The following LRRC4C variants were observed in gnomAD, a reference collection of about 807,000 sequenced individuals.
LRRC4C encodes the protein leucine rich repeat containing 4C, also known as leucine-rich repeat-containing protein 4C.
A neutral mutation model predicts 33.6 loss-of-function variants in LRRC4C; 5 were observed. The ratio of observed to expected loss-of-function variants is 0.15; its 90% CI spans 0.08 to 0.31. LRRC4C has a LOEUF of 0.31. LRRC4C is among the 10% of genes least tolerant of loss of function. LRRC4C has a pLI of 1.00. For missense variants in LRRC4C, 560 were observed against 796.7 expected (o/e 0.70, Z 3.58); for synonymous variants, 329 against 302.0 (o/e 1.09, Z -0.93).
At chr11:40,633,325 TTTTCTTTCTTTC>T (rs1555125485) in intron 3 of LRRC4C, among the ~76,000 whole-genome samples, 1 of 112,246 alleles carries the variant, frequency 8.9e-6, no homozygotes, top group African/African-American at 3.0e-5. Flanking sequence ...CAAGTTTTCT[TTTTCTTTCTTTC>T]TTTCTTTCTT....
chr11:41,006,404 C>T (rs1854756994), intron 1 of LRRC4C, among the ~76,000 whole-genome samples: 1 of 152,124 alleles, frequency 6.6e-6, no homozygotes, highest in South Asian at 2.1e-4. Flanking sequence ...CATAATTTGG[C>T]CATTTCACAA....
At chr11:40,636,101 C>G (rs1963938970) in intron 3 of LRRC4C, among the ~76,000 whole-genome samples, 1 of 152,160 alleles carries the variant, frequency 6.6e-6, no homozygotes, top group African/African-American at 2.4e-5. Context: ...GACATTGGGA[C>G]AACTAAGGTC....
At chr11:40,177,199 C>G (rs141078389) in intron 5 of LRRC4C, among the ~76,000 whole-genome samples, 1 of 151,828 alleles carries the variant, frequency 6.6e-6, no homozygotes, top group African/African-American at 2.4e-5. Context: ...GTAATCTGCC[C>G]ACCTCGGCCT....
At chr11:40,333,186 A>G (rs1236728550) in intron 3 of LRRC4C, among the ~76,000 whole-genome samples, 1 of 152,156 alleles carries the variant, frequency 6.6e-6, no homozygotes, top group Non-Finnish European at 1.5e-5. Flanking sequence ...ATCAAACAAT[A>G]TGTAAGGGAA....
chr11:40,223,491 A>G (rs1373255147), intron 5 of LRRC4C, among the ~76,000 whole-genome samples: 1 of 152,178 alleles, frequency 6.6e-6, no homozygotes, highest in Non-Finnish European at 1.5e-5. Context: ...GGACAGGATA[A>G]AAAGACACTG....
intron 3 of LRRC4C, among the ~76,000 whole-genome samples, chr11:40,512,525 T>C (rs1359509839): frequency 6.6e-6 from 1 of 152,170 alleles, no homozygotes; most frequent in Non-Finnish European, 1.5e-5. Context: ...ACATCTTATG[T>C]AGATATCATC....
chr11:40,929,231 A>G (rs542985749), intron 2 of LRRC4C, among the ~76,000 whole-genome samples: 1 of 152,268 alleles, frequency 6.6e-6, no homozygotes, highest in South Asian at 2.1e-4. Context: ...TTTTTGGCAA[A>G]TATGGCCATC....
chr11:40,997,729 T>C (rs1264063700), intron 1 of LRRC4C, among the ~76,000 whole-genome samples: 3 of 151,938 alleles, frequency 2.0e-5, no homozygotes, highest in African/African-American at 7.2e-5. Context: ...GTCTGTAGCA[T>C]GTAGGATGAG....
intron 2 of LRRC4C, among the ~76,000 whole-genome samples, chr11:40,694,868 TTCCTTATTTTCTTTTA>T (rs1282339807): frequency 2.6e-5 from 4 of 152,164 alleles, no homozygotes; most frequent in Non-Finnish European, 5.9e-5. Flanking sequence ...TATCTCAATC[TTCCTTATTTTCTTTTA>T]TCATCATCGT....
At position 40,419,726 on chromosome 11, in the gene LRRC4C, G is replaced by C. The variant is rs530958100; in HGVS notation, c.-269-100005C>G. ...TTTCACCAATAGAGGGGAATAAATG[G>C]TTAAAAAAATTGATAGGCTCCACCA... On this transcript the variant is annotated intron_variant, in intron 3 of 6. Transcript: ENST00000528697. 7.2e-5 allele frequency among the ~76,000 whole-genome samples: 11 copies of C among 152,260 alleles called. No individual in the cohort carries two copies. The South Asian group carries it at 1.7e-3, about 23-fold the overall frequency.
rs550625287 is a variant in LRRC4C at position 41,104,356 on chromosome 11, C to A, written c.-495-170633G>T. 4.0e-5 allele frequency among the ~76,000 whole-genome samples: 6 copies of A among 151,860 alleles called. No individual in the cohort carries two copies. The East Asian group carries it at 1.2e-3, about 29-fold the overall frequency. On this transcript the variant is annotated intron_variant, in intron 1 of 6. Transcript: ENST00000528697. The stretch of plus-strand genomic sequence containing the variant: ...ATACAAATGGTCAGTAAGAACATAA[C>A]CATATTCTCAATATCACTACAGTAT...
chr11:40,130,562 A>G (rs1856578487), intron 6 of LRRC4C, among the ~76,000 whole-genome samples: 1 of 152,236 alleles, frequency 6.6e-6, no homozygotes, highest in South Asian at 2.1e-4. Context: ...CAGTGCCTAC[A>G]GAATTAAGCC....
At chr11:41,288,082 A>G (rs969813922) in intron 1 of LRRC4C, among the ~76,000 whole-genome samples, 9 of 152,160 alleles carry the variant, frequency 5.9e-5, no homozygotes, top group Admixed American at 4.6e-4. Context: ...GTTCTCTACT[A>G]TGCTCTAATT....
chr11:40,716,024 G>A (rs368204725), intron 2 of LRRC4C, among the ~76,000 whole-genome samples: 4 of 146,722 alleles, frequency 2.7e-5, no homozygotes, highest in East Asian at 4.0e-4. Flanking sequence ...GACAGAGCAC[G>A]ACTGTGTCTC....
chr11:41,085,445 G>A (rs1939898389), intron 1 of LRRC4C, among the ~76,000 whole-genome samples: 1 of 152,098 alleles, frequency 6.6e-6, no homozygotes, highest in South Asian at 2.1e-4. Flanking sequence ...ATATTGACTG[G>A]CTCTCTCACT....
At chr11:40,476,564 T>C (rs188604785) in intron 3 of LRRC4C, among the ~76,000 whole-genome samples, 2,013 of 152,128 alleles carry the variant, frequency 0.013, 50 homozygotes, top group African/African-American at 0.043. Context: ...CAGGCTGGTC[T>C]CAAACTCCTG....
intron 3 of LRRC4C, among the ~76,000 whole-genome samples, chr11:40,602,074 A>G (rs1353691300): frequency 1.3e-5 from 2 of 151,908 alleles, no homozygotes; most frequent in African/African-American, 4.8e-5. Context: ...GCGTGCCTCT[A>G]ATCCCAGCTA....
intron 3 of LRRC4C, among the ~76,000 whole-genome samples, chr11:40,463,559 C>T (rs16934868): frequency 0.041 from 6,173 of 152,018 alleles, 409 homozygotes; most frequent in African/African-American, 0.14. Context: ...CTATCATTAT[C>T]AACAAAAGGC....
chr11:40,225,116 A>G (rs1864689369), intron 5 of LRRC4C, among the ~76,000 whole-genome samples: 1 of 152,200 alleles, frequency 6.6e-6, no homozygotes, highest in Admixed American at 6.5e-5. Context: ...AATTATCTAG[A>G]CAGTTGAAGC....
Sources: gnomAD v4.1 joint callset for allele counts (sites outside exome capture counted in the v4.1 genomes callset) on GRCh38, gnomAD v4.1.1 for gene constraint, MANE v1.5 for transcripts, NCBI Gene and HGNC (gene_info 2026-07-23, HGNC 2026-07-21) for gene names.